LRBA: variants seen among roughly 807,000 people sequenced by gnomAD.
The protein encoded by LRBA is lipopolysaccharide-responsive and beige-like anchor protein.
Under a neutral mutation model 330.0 loss-of-function variants are expected in LRBA, and 176 were observed. That is an observed-to-expected ratio of 0.53 (90% confidence interval 0.47 to 0.60). The LOEUF (loss-of-function observed/expected upper bound fraction) is 0.60. Among genes scored for constraint, LRBA ranks in the 20% least tolerant of loss-of-function variants. LRBA has a pLI of 0.00. For synonymous variants in LRBA, 1,230 were observed against 1,193.0 expected, an observed-to-expected ratio of 1.03 and a Z score of -0.64; for missense variants, 3,259 against 3,444.8, an observed-to-expected ratio of 0.95 and a Z score of 1.35.
At chr4:150,769,095 C>T (rs942157310) in intron 34 of LRBA, among the ~76,000 whole-genome samples, 3 of 151,826 alleles carry the variant, frequency 2.0e-5, no homozygotes, top group Admixed American at 6.6e-5. Context: ...CATCACCACA[C>T]TCAGCTAATT....
At chr4:150,875,598 T>C (rs929986416) in intron 17 of LRBA, among the ~76,000 whole-genome samples, 4 of 152,164 alleles carry the variant, frequency 2.6e-5, no homozygotes, top group African/African-American at 9.7e-5. Flanking sequence ...ATATAAAACC[T>C]GCTGACGGAA....
intron 29 of LRBA, among the ~76,000 whole-genome samples, chr4:150,829,058 T>C (rs1239649180): frequency 6.6e-6 from 1 of 151,792 alleles, no homozygotes; most frequent in East Asian, 1.9e-4. Context: ...CCTAAGCCTC[T>C]CAAGTAGCTG....
chr4:150,368,669 A>G (rs1242309251), intron 47 of LRBA, among the ~76,000 whole-genome samples: 3 of 152,216 alleles, frequency 2.0e-5, no homozygotes, highest in Non-Finnish European at 4.4e-5. Context: ...GGATGTTTAT[A>G]TTTCACTTAA....
chr4:150,870,483 G>A (rs1265131482), intron 20 of LRBA, 42 bp downstream of exon 20: 2 of 1,020,164 alleles, frequency 2.0e-6, no homozygotes, highest in Admixed American at 1.7e-5. Flanking sequence ...TTCTTTTTAA[G>A]TAGCAAAAGG....
chr4:150,831,580 G>A lies in LRBA; in HGVS notation c.4729+237C>T. Among the ~76,000 whole-genome samples, 2 of 152,054 alleles carry A rather than the reference G, an allele frequency of 1.3e-5. 1 individual carries two copies. ...TCAATAAAATTTTTCAACTCTTTTT[G>A]TATAACATTTTCTGACTTACATTTA... is the stretch of plus-strand genomic sequence containing the variant. On this transcript the variant is annotated intron_variant, in intron 29 of 56. Coordinates refer to ENST00000651943, the MANE Select transcript of LRBA (RefSeq NM_001364905.1).
chr4:150,276,694 T>C (rs1746825309), intron 56 of LRBA, among the ~76,000 whole-genome samples: 1 of 152,188 alleles, frequency 6.6e-6, no homozygotes. Context: ...TCACTGGTCA[T>C]TAGAGAAATG....
intron 42 of LRBA, among the ~76,000 whole-genome samples, chr4:150,473,590 T>G (rs1756391702): frequency 6.6e-6 from 1 of 152,154 alleles, no homozygotes; most frequent in African/African-American, 2.4e-5. Context: ...ATCTATATTC[T>G]CCTCCTCTTG....
intron 43 of LRBA, among the ~76,000 whole-genome samples, chr4:150,468,001 T>C (rs1755644514): frequency 6.6e-6 from 1 of 152,050 alleles, no homozygotes; most frequent in African/African-American, 2.4e-5. Flanking sequence ...AAAGGTTAGG[T>C]AACTTGCCCC....
At chr4:150,674,671 G>C (rs1221016231) in intron 37 of LRBA, among the ~76,000 whole-genome samples, 1 of 152,142 alleles carries the variant, frequency 6.6e-6, no homozygotes, top group Non-Finnish European at 1.5e-5. Context: ...GAGGCCAGCA[G>C]TTTAAGACCA....
chr4:150,764,785 TA>T (rs1490333300), intron 34 of LRBA, among the ~76,000 whole-genome samples: 1 of 152,048 alleles, frequency 6.6e-6, no homozygotes, highest in Non-Finnish European at 1.5e-5. Context: ...AAGGATGTGG[TA>T]CAAGAATAAA....
At chr4:150,298,658 G>T (rs1196064511) in intron 53 of LRBA, among the ~76,000 whole-genome samples, 1 of 151,908 alleles carries the variant, frequency 6.6e-6, no homozygotes, top group Non-Finnish European at 1.5e-5. Flanking sequence ...ACAGAATCTT[G>T]TTGTTATGAA....
chr4:150,291,226 T>A (rs1194573891), intron 53 of LRBA, among the ~76,000 whole-genome samples: 1 of 145,982 alleles, frequency 6.9e-6, no homozygotes, highest in Non-Finnish European at 1.5e-5. Context: ...ACAAATGGGA[T>A]CTAATTAAAC....
chr4:150,355,787 T>C (rs1398168576), intron 47 of LRBA, among the ~76,000 whole-genome samples: 4 of 152,144 alleles, frequency 2.6e-5, no homozygotes, highest in Non-Finnish European at 5.9e-5. Context: ...ATTGTACTTA[T>C]AATTAAGAGT....
chr4:150,663,977 G>A (rs1031806621), intron 37 of LRBA, among the ~76,000 whole-genome samples: 2 of 152,108 alleles, frequency 1.3e-5, no homozygotes, highest in African/African-American at 2.4e-5. Flanking sequence ...AGAAGAGCAT[G>A]AGAAAATATA....
chr4:150,527,151 T>G (rs1763567217), intron 40 of LRBA, among the ~76,000 whole-genome samples: 1 of 152,188 alleles, frequency 6.6e-6, no homozygotes, highest in African/African-American at 2.4e-5. Context: ...TTCTCCAAAA[T>G]GAGATGCAAG....
chr4:150,675,917 A>T (rs1404206106), intron 37 of LRBA, among the ~76,000 whole-genome samples: 3 of 152,170 alleles, frequency 2.0e-5, no homozygotes, highest in African/African-American at 4.8e-5. Flanking sequence ...ATAAACTTTT[A>T]GAATCACACA....
intron 37 of LRBA, among the ~76,000 whole-genome samples, chr4:150,623,757 G>A (rs554839453): frequency 1.9e-3 from 286 of 151,674 alleles, no homozygotes; most frequent in South Asian, 2.9e-3. Context: ...AATTTGAATC[G>A]TGAACTGAGA....
chr4:150,407,038 C>CT (rs1317263493), intron 47 of LRBA, among the ~76,000 whole-genome samples: 1 of 152,156 alleles, frequency 6.6e-6, no homozygotes, highest in Non-Finnish European at 1.5e-5. Context: ...CTGCCTTAGC[C>CT]TCCCAAAGTG....
chr4:150,400,320 A>G lies in LRBA; in HGVS notation c.7194+15118T>C, dbSNP rs540537771. On this transcript the variant is annotated intron_variant, in intron 47 of 56. Transcript: ENST00000651943. ...AAATAGTTATTTTATGTGGTTTCCT[A>G]TGGCACCAACTAGAATGTTTCTGGG... Among the ~76,000 whole-genome samples the G allele has an allele frequency of 2.2e-4, 33 of 152,322 alleles. No homozygotes were observed. The South Asian group carries it at 6.8e-3, about 32-fold the overall frequency.
Sources: allele counts gnomAD v4.1 joint callset (sites outside exome capture counted in the v4.1 genomes callset), GRCh38; gene constraint gnomAD v4.1.1; transcripts MANE v1.5; gene names NCBI Gene and HGNC (gene_info 2026-07-23, HGNC 2026-07-21).